The following PKHD1 variants were observed in gnomAD, a reference collection of about 807,000 sequenced individuals.
The protein encoded by PKHD1 is fibrocystin.
In PKHD1, 291 loss-of-function variants were observed where a neutral mutation model predicts 412.0. The ratio of observed to expected loss-of-function variants is 0.71; its 90% confidence interval spans 0.64 to 0.78. The LOEUF is 0.78. Among genes scored for constraint, PKHD1 ranks in the 30% least tolerant of loss-of-function variants. The pLI is 0.00. For missense variants in PKHD1, 4,825 were observed against 4,950.7 expected (o/e 0.97, Z 0.76); for synonymous variants, 1,777 against 1,821.5 (o/e 0.98, Z 0.62).
At position 51,670,729 on chromosome 6, in the gene PKHD1, T is replaced by G. The variant is rs1463984191; in HGVS notation, c.10157-10760A>C. Among the ~76,000 whole-genome samples, 3 of 152,262 alleles carry G rather than the reference T, an allele frequency of 2.0e-5. No individual in the cohort carries two copies. In the East Asian group the frequency reaches 5.8e-4, roughly 29 times the overall value. ...TTTGGTGCTTCCTTCAGGAGCTCTT[T>G]TAGGGCAGGCCTGGTGGTAACAAAA... On this transcript the variant is annotated intron_variant, in intron 60 of 66. Transcript: ENST00000371117.
intron 60 of PKHD1, chr6:51,720,983 A>T: frequency 1.0e-6 from 1 of 984,126 alleles, no homozygotes; most frequent in Non-Finnish European, 1.2e-6. Context: ...CTGGCAGCAA[A>T]GGTAGCAATT....
Position 52,083,115 on chromosome 6 carries a change from CAT to C in PKHD1, c.130+61_130+62del, listed in dbSNP as rs1241257114. ...TAGAAAAGGAAGAAAACCAAAGACT[CAT>C]AGTCTTTAGGATTGTGGGTCAATAC... On this transcript the variant is annotated intron_variant, in intron 3 of 66. Coordinates refer to ENST00000371117, the MANE Select transcript of PKHD1 (RefSeq NM_138694.4). 2.5e-5 allele frequency: 27 copies of C among 1,097,756 alleles called. 1 individual carries two copies. The South Asian group carries it at 3.1e-4, about 13-fold the overall frequency. The allele number at this position is 1,097,756 out of a possible 1,614,324, so 68.0% of individuals were successfully genotyped here.
chr6:51,655,730 T>C (rs945869565), intron 61 of PKHD1, among the ~76,000 whole-genome samples: 15 of 152,072 alleles, frequency 9.9e-5, no homozygotes, highest in African/African-American at 3.6e-4. Flanking sequence ...AAACAGGTTG[T>C]TGGAAGAATG....
intron 36 of PKHD1, among the ~76,000 whole-genome samples, chr6:51,948,667 G>A (rs985346716): frequency 5.3e-5 from 8 of 152,182 alleles, no homozygotes; most frequent in South Asian, 2.1e-4. Flanking sequence ...GTTGAATAAC[G>A]AGGAGTTGAA....
chr6:51,647,503 G>T (rs965785609), intron 63 of PKHD1, among the ~76,000 whole-genome samples: 1 of 152,190 alleles, frequency 6.6e-6, no homozygotes, highest in Non-Finnish European at 1.5e-5. Flanking sequence ...ACAAAAGAGG[G>T]TAGACAAACA....
At chr6:51,770,967 G>A (rs1302283458) in intron 55 of PKHD1, among the ~76,000 whole-genome samples, 1 of 152,016 alleles carries the variant, frequency 6.6e-6, no homozygotes, top group Non-Finnish European at 1.5e-5. Context: ...TCAGCCAGAA[G>A]ACCTTAAAAG....
intron 55 of PKHD1, among the ~76,000 whole-genome samples, chr6:51,758,049 AG>A (rs1562245960): frequency 1.9e-3 from 271 of 143,232 alleles, no homozygotes; most frequent in African/African-American, 6.3e-3. Flanking sequence ...AGAGAGAGAG[AG>A]AGAAAACAAA....
At position 52,059,933 on chromosome 6, in the gene PKHD1, TC is replaced by T. The variant is rs1808421350; in HGVS notation, c.1227del (p.Thr410LeufsTer3). On this transcript the variant is annotated frameshift_variant, in exon 15 of 67. Transcript: ENST00000371117. LOFTEE classifies it high-confidence loss of function. ...SLHFSWSEEP[R>X]TKVKVASISV... is the part of the protein sequence containing the mutation. ...AATGAGAAGACAGTGAATACCTTAG[TC>T]CTTGGTTCCTCTGACCAACTGAAAT... The T allele has an allele frequency of 6.9e-7, 1 of 1,449,946 alleles. No homozygotes were observed. The highest frequency in any genetic ancestry group is 9.7e-7 in the Non-Finnish European group (1 of 1,030,076). 89.8% of individuals were successfully genotyped at this position (1,449,946 alleles called of 1,614,324 possible). A position where few individuals can be genotyped will look rare whatever the true frequency, so the allele number is the denominator to read the frequency against.
intron 52 of PKHD1, among the ~76,000 whole-genome samples, chr6:51,791,646 G>T (rs1008092301): frequency 2.0e-5 from 3 of 152,332 alleles, no homozygotes; most frequent in African/African-American, 7.2e-5. Context: ...GTCTAGTGCA[G>T]TGGAAACACA....
At chr6:52,028,052 T>TAA in intron 30 of PKHD1, 104 bp downstream of exon 30, 1 of 1,304,086 alleles carries the variant, frequency 7.7e-7, no homozygotes, top group Non-Finnish European at 1.1e-6. Flanking sequence ...CTTTAACCTC[T>TAA]AACTTCCAAG....
At chr6:51,690,038 C>T (rs963739979) in intron 60 of PKHD1, among the ~76,000 whole-genome samples, 4 of 151,960 alleles carry the variant, frequency 2.6e-5, no homozygotes, top group Non-Finnish European at 5.9e-5. Context: ...CTTTGGGAGG[C>T]AGAGATGGGC....
chr6:51,704,613 T>C (rs1779804391), intron 60 of PKHD1, among the ~76,000 whole-genome samples: 3 of 152,018 alleles, frequency 2.0e-5, no homozygotes, highest in Admixed American at 1.3e-4. Flanking sequence ...TGCAAGTCTT[T>C]GTGACTCTGT....
At chr6:51,658,287 T>C (rs1772222795) in intron 61 of PKHD1, among the ~76,000 whole-genome samples, 3 of 152,088 alleles carry the variant, frequency 2.0e-5, no homozygotes. Flanking sequence ...TCTTTATATA[T>C]CAATGTATAA....
chr6:52,070,461 AC>A lies in PKHD1; in HGVS notation c.668-17del, dbSNP rs761316404. ...TTCTGGGAGCCTGTAACACAAAGAA[AC>A]ACACATTAACTCAGGAATCTGCACG... On this transcript the variant is annotated splice_polypyrimidine_tract_variant and intron_variant, in intron 9 of 66. Transcript: ENST00000371117. 3.1e-6 allele frequency: 5 copies of A among 1,601,282 alleles called. No homozygotes were observed. Among genetic ancestry groups the A allele is most frequent in the Non-Finnish European group, 4.3e-6 (5 of 1,168,758 alleles).
chr6:51,903,775 A>G (rs1386729465), intron 42 of PKHD1, 48 bp from the exon 43 acceptor site: 1 of 1,485,844 alleles, frequency 6.7e-7, no homozygotes, highest in South Asian at 1.1e-5. Context: ...ATTAAAATGT[A>G]CTCAACTCAA....
intron 66 of PKHD1, 99 bp from the exon 67 acceptor site, chr6:51,619,619 C>A (rs890441193): frequency 1.0e-6 from 1 of 967,144 alleles, no homozygotes; most frequent in Admixed American, 1.8e-5. Flanking sequence ...ATTGTCAAAT[C>A]AAAGATTGAA....
At chr6:51,828,980 A>G (rs990160856) in intron 52 of PKHD1, among the ~76,000 whole-genome samples, 6 of 152,168 alleles carry the variant, frequency 3.9e-5, no homozygotes, top group African/African-American at 1.4e-4. Context: ...ACAATGAGCA[A>G]GGATTTTATT....
chr6:51,710,803 A>T (rs1401662736), intron 60 of PKHD1, among the ~76,000 whole-genome samples: 1 of 152,370 alleles, frequency 6.6e-6, no homozygotes, highest in East Asian at 1.9e-4. Context: ...ATCTATAAAA[A>T]TGAGAAGACT....
chr6:51,909,460 A>T lies in PKHD1; in HGVS notation c.6505T>A (p.Cys2169Ser), dbSNP rs750766589. 1 of 1,613,026 alleles carries T rather than the reference A, an allele frequency of 6.2e-7. No homozygotes were observed. Among genetic ancestry groups the T allele is most frequent in the Non-Finnish European group, 8.5e-7 (1 of 1,179,164 alleles). The stretch of plus-strand genomic sequence containing the variant: ...ATCTTCTCACTCATGGAATACAAAC[A>T]GTGCTGCAGATTACCTGAAATGCAA... The part of the protein sequence containing the change: ...ANAPEGNLQH[C>S]LYSMSEKMLG... The change falls in exon 40 of 67, where the codon TGT becomes AGT. Residue 2169 changes from cysteine to serine, a missense_variant. By Grantham distance (112) the Cys-to-Ser change is moderately radical (BLOSUM62 -1). Transcript: ENST00000371117.
Sources: allele counts gnomAD v4.1 joint callset (sites outside exome capture counted in the v4.1 genomes callset), GRCh38; gene constraint gnomAD v4.1.1; transcripts MANE v1.5; gene names NCBI Gene and HGNC (gene_info 2026-07-23, HGNC 2026-07-21).